GALNT1: variants seen among roughly 807,000 people sequenced by gnomAD.
GALNT1 encodes GalNAc transferase 1.
In GALNT1, 17 loss-of-function variants were observed where a neutral mutation model predicts 65.7. The ratio of observed to expected loss-of-function variants is 0.26; its 90% CI spans 0.18 to 0.39. The LOEUF (loss-of-function observed/expected upper bound fraction) is 0.39, where lower values mean the gene tolerates loss of function less well. Among genes scored for constraint, GALNT1 ranks in the 10% least tolerant of loss-of-function variants. The pLI, the probability that GALNT1 is intolerant of heterozygous loss-of-function variation, is 1.00. For missense variants in GALNT1, 460 were observed against 672.8 expected (o/e 0.68, Z 3.50); for synonymous variants, 210 against 219.7 (o/e 0.96, Z 0.39).
rs189592363 is a variant in GALNT1, at chr18:35,603,701, C to T, written c.-104+21839C>T. Among the ~76,000 whole-genome samples, 7 of 152,204 alleles carry T rather than the reference C, an allele frequency of 4.6e-5. No homozygotes were observed. In the East Asian group the frequency reaches 1.4e-3, roughly 29 times the overall value. On this transcript the variant is annotated intron_variant, in intron 1 of 11. Coordinates refer to ENST00000269195, the MANE Select transcript of GALNT1 (RefSeq NM_020474.4). ...CCCAATCATGACTTCTCTTCTTCCC[C>T]ACTGTGTGGCAATCATTGGTGGACC...
chr18:35,646,665 T>C (rs1598794135), intron 1 of GALNT1, among the ~76,000 whole-genome samples: 1 of 152,302 alleles, frequency 6.6e-6, no homozygotes, highest in East Asian at 1.9e-4. Flanking sequence ...TCATATTCTG[T>C]TGGTTAGAAG....
intron 1 of GALNT1, among the ~76,000 whole-genome samples, chr18:35,621,201 C>G (rs538677723): frequency 2.6e-5 from 4 of 151,010 alleles, no homozygotes; most frequent in Non-Finnish European, 4.4e-5. Flanking sequence ...TTTTTAGAGA[C>G]AAGGTCTCGT....
intron 3 of GALNT1, 48 bp downstream of exon 3, chr18:35,663,850 C>T: frequency 6.4e-7 from 1 of 1,563,600 alleles, no homozygotes. Context: ...AAAGTATATT[C>T]TGAATTTTCA....
intron 2 of GALNT1, among the ~76,000 whole-genome samples, chr18:35,658,144 A>G (rs1445622572): frequency 6.6e-6 from 1 of 152,226 alleles, no homozygotes. Context: ...CGGAGGTATG[A>G]GATGGCCTCC....
chr18:35,624,016 A>G (rs1598786681), intron 1 of GALNT1, among the ~76,000 whole-genome samples: 1 of 152,272 alleles, frequency 6.6e-6, no homozygotes, highest in South Asian at 2.1e-4. Context: ...TCTTCTCTTA[A>G]CGAATATTGA....
intron 3 of GALNT1, among the ~76,000 whole-genome samples, chr18:35,670,141 A>C (rs1035553221): frequency 5.3e-5 from 8 of 152,214 alleles, no homozygotes; most frequent in African/African-American, 1.9e-4. Flanking sequence ...AAAATTAAAT[A>C]ACTAGCTGGA....
chr18:35,645,218 G>GTTTT (rs1166987925), intron 1 of GALNT1, among the ~76,000 whole-genome samples: 17 of 54,368 alleles, frequency 3.1e-4, no homozygotes, highest in African/African-American at 4.3e-4. Context: ...TATTTTGAAT[G>GTTTT]TTTTTTTTTT....
chr18:35,658,366 G>A (rs2047425088), intron 2 of GALNT1, among the ~76,000 whole-genome samples: 1 of 152,214 alleles, frequency 6.6e-6, no homozygotes, highest in Non-Finnish European at 1.5e-5. Flanking sequence ...GGGAAGGGCT[G>A]AGCCGTAGGC....
chr18:35,632,892 G>A (rs1398771033), intron 1 of GALNT1, among the ~76,000 whole-genome samples: 4 of 152,176 alleles, frequency 2.6e-5, no homozygotes, highest in African/African-American at 9.7e-5. Flanking sequence ...CGAAGGATAT[G>A]AACAGACACT....
chr18:35,628,120 C>T (rs2144165520), intron 1 of GALNT1, among the ~76,000 whole-genome samples: 1 of 152,310 alleles, frequency 6.6e-6, no homozygotes, highest in South Asian at 2.1e-4. Context: ...CCTGCTGCCT[C>T]TGTAGTCTCC....
chr18:35,643,294 A>G (rs1346187187), intron 1 of GALNT1, among the ~76,000 whole-genome samples: 1 of 152,158 alleles, frequency 6.6e-6, no homozygotes, highest in African/African-American at 2.4e-5. Flanking sequence ...CGAGGTGGGA[A>G]GAGGGGTTAG....
chr18:35,583,796 G>A (rs2046350900), intron 1 of GALNT1, among the ~76,000 whole-genome samples: 1 of 152,162 alleles, frequency 6.6e-6, no homozygotes, highest in South Asian at 2.1e-4. Flanking sequence ...TGGGACCAGA[G>A]TCAAAATGAA....
chr18:35,701,217 G>A lies in GALNT1; in HGVS notation c.1300-1680G>A, dbSNP rs142160675. On this transcript the variant is annotated intron_variant, in intron 9 of 11. Transcript: ENST00000269195. ...CTCCCGAATAACTGGGACTACAGGC[G>A]TGAGCCACCATGCCTAAGATTTGTA... Among the ~76,000 whole-genome samples the A allele has an allele frequency of 3.0e-3, 452 of 152,214 alleles. 3 individuals carry two copies. Among genetic ancestry groups the A allele is most frequent in the African/African-American group, 0.011 (440 of 41,548 alleles).
At chr18:35,590,452 C>G (rs2046429972) in intron 1 of GALNT1, among the ~76,000 whole-genome samples, 1 of 152,136 alleles carries the variant, frequency 6.6e-6, no homozygotes, top group South Asian at 2.1e-4. Flanking sequence ...GGACAAACTT[C>G]TATGGGAACC....
chr18:35,690,731 T>C (rs997382026), intron 7 of GALNT1, among the ~76,000 whole-genome samples: 7 of 152,242 alleles, frequency 4.6e-5, no homozygotes, highest in African/African-American at 1.7e-4. Context: ...GAGCCCATCA[T>C]GTGCCCCTGA....
intron 2 of GALNT1, among the ~76,000 whole-genome samples, chr18:35,657,991 T>G (rs900207440): frequency 6.6e-6 from 1 of 152,066 alleles, no homozygotes; most frequent in African/African-American, 2.4e-5. Flanking sequence ...GACAGTGGGG[T>G]ATCAGAAACG....
intron 11 of GALNT1, among the ~76,000 whole-genome samples, chr18:35,705,847 C>T (rs1294906897): frequency 2.6e-5 from 4 of 152,180 alleles, no homozygotes. Flanking sequence ...ATATTCTTAG[C>T]TTTTCCTTGT....
intron 9 of GALNT1, among the ~76,000 whole-genome samples, chr18:35,695,913 T>G (rs571263894): frequency 3.3e-5 from 5 of 152,240 alleles, no homozygotes; most frequent in Non-Finnish European, 7.4e-5. Flanking sequence ...GTTTTGTTTT[T>G]TTTGAGCTGA....
intron 9 of GALNT1, among the ~76,000 whole-genome samples, chr18:35,700,386 C>T (rs1452719153): frequency 1.3e-5 from 2 of 152,150 alleles, no homozygotes. Context: ...CAGAGGAGTG[C>T]CTCCAGGCGC....
Sources: gnomAD v4.1 joint callset for allele counts (sites outside exome capture counted in the v4.1 genomes callset) on GRCh38, gnomAD v4.1.1 for gene constraint, MANE v1.5 for transcripts, NCBI Gene and HGNC (gene_info 2026-07-23, HGNC 2026-07-21) for gene names.